The following ECPAS variants were observed in gnomAD, a reference collection of about 807,000 sequenced individuals.
ECPAS encodes Ecm29 proteasome adaptor and scaffold.
A neutral mutation model predicts 255.1 loss-of-function variants in ECPAS; 70 were observed. The ratio of observed to expected loss-of-function variants is 0.27; its 90% CI spans 0.23 to 0.33. ECPAS has a LOEUF of 0.33. Among genes scored for constraint, ECPAS ranks in the 10% least tolerant of loss-of-function variants. The pLI is 1.00. For missense variants in ECPAS, 1,817 were observed against 2,206.4 expected (o/e 0.82, Z 3.54); for synonymous variants, 784 against 775.0 (o/e 1.01, Z -0.19).
rs72748011 is a variant in ECPAS at position 111,477,705 on chromosome 9, C to T, written c.-82-4705G>A. On this transcript the variant is annotated intron_variant, in intron 1 of 49. Transcript: ENST00000684092. ...CCCCTGAGACAGTACCAGTACCAAA[C>T]TCACAGGGTTGTTCTGAGGATTCAA... Among the ~76,000 whole-genome samples, 154 of 152,260 alleles carry T rather than the reference C, an allele frequency of 1.0e-3. 1 individual carries two copies. The highest frequency in any genetic ancestry group is 1.8e-3 in the Non-Finnish European group (124 of 68,032).
chr9:111,439,132 C>T (rs2098242259), intron 6 of ECPAS, among the ~76,000 whole-genome samples: 1 of 152,202 alleles, frequency 6.6e-6, no homozygotes, highest in South Asian at 2.1e-4. Flanking sequence ...AGCAAAAACA[C>T]ACAGTGGCCA....
At chr9:111,390,458 C>G (rs899408152) in intron 29 of ECPAS, among the ~76,000 whole-genome samples, 6 of 152,152 alleles carry the variant, frequency 3.9e-5, no homozygotes, top group Admixed American at 6.5e-5. Flanking sequence ...CATCTGTCTT[C>G]CCTAAGTCTT....
chr9:111,424,271 G>C (rs1410389460), intron 12 of ECPAS, among the ~76,000 whole-genome samples: 1 of 152,156 alleles, frequency 6.6e-6, no homozygotes, highest in Non-Finnish European at 1.5e-5. Flanking sequence ...CTTGACTATG[G>C]TGAACAATTT....
At chr9:111,413,121 A>C (rs772492513) in intron 20 of ECPAS, among the ~76,000 whole-genome samples, 1 of 152,236 alleles carries the variant, frequency 6.6e-6, no homozygotes, top group Non-Finnish European at 1.5e-5. Context: ...AGGGTGTGGC[A>C]TTACCTATGA....
At chr9:111,482,363 C>A (rs537076394) in intron 1 of ECPAS, among the ~76,000 whole-genome samples, 22 of 152,320 alleles carry the variant, frequency 1.4e-4, no homozygotes, top group Non-Finnish European at 2.4e-4. Context: ...CTCTCCAAAC[C>A]TGCCTCCTCT....
At chr9:111,483,544 G>C (rs2098310177) in intron 1 of ECPAS, 1 of 958,662 alleles carries the variant, frequency 1.0e-6, no homozygotes. Flanking sequence ...CCGCAGCCAT[G>C]TTGCGCCGGG....
In ECPAS at chr9:111,484,380, A is replaced by G. The variant is rs753226291; in HGVS notation, c.-347T>C. On this transcript the variant is annotated 5_prime_UTR_variant, in exon 1 of 50. Coordinates refer to ENST00000684092, the MANE Select transcript of ECPAS (RefSeq NM_001364929.1). ...CGCCTGTCCAAAGGAAGAGACGTGGACTCAGAAAAGTAGAGCCGGGCTCGG... is the reference window on the plus strand; with the variant it reads ...CGCCTGTCCAAAGGAAGAGACGTGGGCTCAGAAAAGTAGAGCCGGGCTCGG... 1.2e-6 allele frequency: 2 copies of G among 1,611,662 alleles called. No individual in the cohort carries two copies. Among genetic ancestry groups the G allele is most frequent in the Admixed American group, 1.7e-5 (1 of 59,884 alleles).
At chr9:111,466,457 AAAAG>A (rs141594185) in intron 2 of ECPAS, among the ~76,000 whole-genome samples, 10,032 of 152,250 alleles carry the variant, frequency 0.066, 469 homozygotes, top group East Asian at 0.21. Context: ...AAAATAAAAA[AAAAG>A]AAAGAACAAA....
chr9:111,434,896 CTTTT>C (rs3031129), intron 7 of ECPAS, among the ~76,000 whole-genome samples: 48 of 92,150 alleles, frequency 5.2e-4, no homozygotes, highest in African/African-American at 1.6e-3. Flanking sequence ...CCACATCTGG[CTTTT>C]TTTTTTTTTT....
chr9:111,418,496 T>G (rs12353547), intron 16 of ECPAS, among the ~76,000 whole-genome samples: 42,799 of 151,968 alleles, frequency 0.28, 7,513 homozygotes, highest in Non-Finnish European at 0.4. Context: ...TAGAGACTGA[T>G]CTCAGCAATA....
intron 8 of ECPAS, among the ~76,000 whole-genome samples, chr9:111,431,466 G>A (rs552914928): frequency 7.2e-5 from 11 of 151,804 alleles, no homozygotes; most frequent in South Asian, 4.2e-4. Context: ...GCTGAGGCAC[G>A]AGAATCACTT....
chr9:111,377,379 A>G (rs998053052), intron 36 of ECPAS, among the ~76,000 whole-genome samples: 2 of 152,242 alleles, frequency 1.3e-5, no homozygotes, highest in Non-Finnish European at 2.9e-5. Context: ...CGACTAATAC[A>G]ATATTGAAAA....
intron 2 of ECPAS, among the ~76,000 whole-genome samples, chr9:111,455,824 G>C (rs1299605396): frequency 6.6e-6 from 1 of 152,196 alleles, no homozygotes; most frequent in African/African-American, 2.4e-5. Context: ...GACTCCACCA[G>C]AAGATTCTTG....
Position 111,411,107 on chromosome 9 carries a change from C to T in ECPAS, c.2250G>A (p.Leu750=), listed in dbSNP as rs763222054. 1.2e-6 allele frequency: 2 copies of T among 1,613,808 alleles called. No homozygotes were observed. The highest frequency in any genetic ancestry group is 1.7e-6 in the Non-Finnish European group (2 of 1,179,830). ...CCAAATACCTTCCCACCGTGAATCC[C>T]AATGCAAGCAAGGATCCATGCTGTA... is the stretch of plus-strand genomic sequence containing the variant. The part of the protein sequence containing the change: ...PEIQHGSLLA[L]GFTVGRYLAK... The change falls in exon 22 of 50, where the codon TTG becomes TTA. Residue 750 remains leucine, a synonymous_variant. Transcript: ENST00000684092.
chr9:111,438,205 T>C (rs527644296), intron 6 of ECPAS, among the ~76,000 whole-genome samples: 1 of 152,364 alleles, frequency 6.6e-6, no homozygotes, highest in African/African-American at 2.4e-5. Context: ...AAAGCCATCA[T>C]CACCTGTCAT....
chr9:111,417,260 T>TA (rs1360395472), intron 17 of ECPAS, among the ~76,000 whole-genome samples: 1 of 151,414 alleles, frequency 6.6e-6, no homozygotes, highest in African/African-American at 2.4e-5. Flanking sequence ...AAAAAAATTT[T>TA]AAAAAAAGGA....
At chr9:111,393,781 G>C (rs2131621633) in intron 26 of ECPAS, 47 bp from the exon 27 acceptor site, 2 of 1,220,220 alleles carry the variant, frequency 1.6e-6, no homozygotes, top group East Asian at 4.7e-5. Context: ...CTACCTCTTT[G>C]AGAGAATAAG....
At chr9:111,409,772 C>A (rs541771992) in intron 23 of ECPAS, among the ~76,000 whole-genome samples, 33 of 152,038 alleles carry the variant, frequency 2.2e-4, no homozygotes, top group African/African-American at 7.7e-4. Flanking sequence ...AAAGATATTT[C>A]CTGATGAATT....
At chr9:111,387,431 T>A (rs2098151175) in intron 31 of ECPAS, among the ~76,000 whole-genome samples, 1 of 151,210 alleles carries the variant, frequency 6.6e-6, no homozygotes, top group South Asian at 2.1e-4. Context: ...TCACTCATCG[T>A]CAGTGCAGTT....
Sources: allele counts gnomAD v4.1 joint callset (sites outside exome capture counted in the v4.1 genomes callset), GRCh38; gene constraint gnomAD v4.1.1; transcripts MANE v1.5; gene names NCBI Gene and HGNC (gene_info 2026-07-23, HGNC 2026-07-21).